BPTF: variants seen among roughly 807,000 people sequenced by gnomAD.
BPTF encodes bromodomain PHD finger transcription factor.
BPTF carries 18 observed loss-of-function variants against 292.5 expected under a neutral mutation model. The observed-to-expected ratio is 0.06, with a 90% confidence interval of 0.04 to 0.09. The LOEUF (loss-of-function observed/expected upper bound fraction) is 0.09. Among genes scored for constraint, BPTF ranks in the 10% least tolerant of loss-of-function variants. The probability of loss-of-function intolerance (pLI) is 1.00; values close to 1 mark genes in which losing one functional copy is unlikely to be tolerated. For synonymous variants in BPTF, 1,225 were observed against 1,251.9 expected (o/e 0.98, Z 0.45); for missense variants, 2,726 against 3,498.7 (o/e 0.78, Z 5.57).
rs978913855 is a variant in BPTF, at chr17:67,915,042, C to T, written c.5303+1855C>T. 9.9e-5 allele frequency among the ~76,000 whole-genome samples: 15 copies of T among 152,172 alleles called. No individual in the cohort carries two copies. The South Asian group carries it at 1.0e-3, about 11-fold the overall frequency. On this transcript the variant is annotated intron_variant, in intron 11 of 27. Transcript: ENST00000306378. The stretch of plus-strand genomic sequence containing the variant: ...GCATATTGCTATAAAAAGCCATGCA[C>T]GTGAAATGCATTTTTATACTAACAC...
rs1003138275 is a variant in BPTF at position 67,946,352 on chromosome 17, G to C, written c.7617+27G>C. 5 of 1,605,744 alleles carry C rather than the reference G, an allele frequency of 3.1e-6. No homozygotes were observed. In the East Asian group the frequency reaches 8.9e-5, roughly 29 times the overall value. The stretch of plus-strand genomic sequence containing the variant: ...TAAAGTTATTAAGTAAAAGCAGCAT[G>C]TTCAGTAGCTTGAATTATTGTGCTG... On this transcript the variant is annotated intron_variant, in intron 21 of 27. Transcript: ENST00000306378.
chr17:67,959,493 TTTACATGACTCTAATGATAG>T (rs782803583), intron 23 of BPTF, 28 bp from the exon 24 acceptor site: 1 of 1,420,186 alleles, frequency 7.0e-7, no homozygotes, highest in Non-Finnish European at 9.4e-7. Flanking sequence ...AGATCACACA[TTTACATGACTCTAATGATAG>T]TCTTGTATTG....
intron 4 of BPTF, among the ~76,000 whole-genome samples, chr17:67,888,589 CAAAAAAA>C (rs776548348): frequency 6.3e-4 from 40 of 63,552 alleles, no homozygotes; most frequent in African/African-American, 1.5e-3. Context: ...GACTCCGTCT[CAAAAAAA>C]AAAAAAAAAA....
intron 10 of BPTF, among the ~76,000 whole-genome samples, chr17:67,910,465 C>A (rs1444838815): frequency 1.3e-5 from 2 of 151,986 alleles, no homozygotes; most frequent in Non-Finnish European, 2.9e-5. Context: ...TAAAAAAAAA[C>A]TAGATAAGCT....
chr17:67,886,955 G>A (rs2060795047), intron 4 of BPTF, among the ~76,000 whole-genome samples: 1 of 152,040 alleles, frequency 6.6e-6, no homozygotes, highest in Non-Finnish European at 1.5e-5. Flanking sequence ...CATCCTTAAC[G>A]TATATCTTTG....
chr17:67,980,381 A>G (rs1430354078), intron 27 of BPTF, among the ~76,000 whole-genome samples: 2 of 152,212 alleles, frequency 1.3e-5, no homozygotes, highest in African/African-American at 4.8e-5. Flanking sequence ...CTGAAAAGTC[A>G]AAGGGATTGA....
At chr17:67,945,078 C>G (rs2065699045) in intron 20 of BPTF, among the ~76,000 whole-genome samples, 1 of 152,200 alleles carries the variant, frequency 6.6e-6, no homozygotes, top group South Asian at 2.1e-4. Flanking sequence ...CTCTGTCGCC[C>G]AGGCTGAAGC....
chr17:67,897,188 G>A (rs889629545), intron 7 of BPTF, among the ~76,000 whole-genome samples: 14 of 149,414 alleles, frequency 9.4e-5, no homozygotes, highest in African/African-American at 3.4e-4. Flanking sequence ...AACAAAAAAC[G>A]AAATTAACCA....
intron 7 of BPTF, among the ~76,000 whole-genome samples, chr17:67,898,366 G>GA (rs1256372028): frequency 2.6e-5 from 4 of 152,088 alleles, no homozygotes; most frequent in African/African-American, 9.7e-5. Context: ...GTCTTAAAAA[G>GA]AAAAAAGTTG....
chr17:67,840,000 C>G (rs1422427598), intron 1 of BPTF, among the ~76,000 whole-genome samples: 1 of 151,902 alleles, frequency 6.6e-6, no homozygotes, highest in Non-Finnish European at 1.5e-5. Context: ...ATATCCCCTT[C>G]TGGTTTTAAT....
intron 9 of BPTF, among the ~76,000 whole-genome samples, chr17:67,908,199 G>T (rs112125458): frequency 0.018 from 2,772 of 151,874 alleles, 93 homozygotes; most frequent in African/African-American, 0.063. Context: ...TGCTCTGTCA[G>T]CCAGGCTGGA....
intron 9 of BPTF, among the ~76,000 whole-genome samples, chr17:67,907,460 A>G (rs559574048): frequency 5.3e-4 from 80 of 151,764 alleles, no homozygotes; most frequent in African/African-American, 1.7e-3. Context: ...GGTTCAATCA[A>G]TTCTCTTGCC....
At chr17:67,851,109 C>G (rs2058369047) in intron 1 of BPTF, among the ~76,000 whole-genome samples, 1 of 152,170 alleles carries the variant, frequency 6.6e-6, no homozygotes, top group Non-Finnish European at 1.5e-5. Context: ...GAGTCGGCCA[C>G]TTATCTGTGC....
intron 27 of BPTF, 164 bp from the exon 28 acceptor site, chr17:67,982,088 T>C: frequency 1.5e-6 from 1 of 670,976 alleles, no homozygotes; most frequent in East Asian, 3.0e-5. Flanking sequence ...TTTAATATTA[T>C]AGGTTAAAAT....
At chr17:67,886,450 G>T in intron 4 of BPTF, 1 of 554,500 alleles carries the variant, frequency 1.8e-6, no homozygotes, top group Non-Finnish European at 3.0e-6. Flanking sequence ...AGTTTGGTGG[G>T]GGGTGGAATT....
intron 11 of BPTF, among the ~76,000 whole-genome samples, chr17:67,917,808 T>C (rs1170024839): frequency 1.3e-5 from 2 of 151,800 alleles, no homozygotes; most frequent in East Asian, 3.9e-4. Context: ...AAGTTTTGTA[T>C]TTTTTGTTTT....
intron 1 of BPTF, among the ~76,000 whole-genome samples, chr17:67,842,190 ATATC>A (rs565282734): frequency 1.4e-4 from 22 of 152,084 alleles, no homozygotes; most frequent in Non-Finnish European, 2.1e-4. Flanking sequence ...CTTTCAGTGT[ATATC>A]TATATGCATA....
chr17:67,858,633 G>A (rs559066301), intron 2 of BPTF, among the ~76,000 whole-genome samples: 1 of 152,066 alleles, frequency 6.6e-6, no homozygotes, highest in African/African-American at 2.4e-5. Flanking sequence ...GCCTGTCAGG[G>A]AGCCCGGTGC....
At chr17:67,875,679 A>G in intron 4 of BPTF, 1 of 1,607,514 alleles carries the variant, frequency 6.2e-7, no homozygotes, top group Non-Finnish European at 8.5e-7. Context: ...TGTCTCTCAG[A>G]AACCCCCGAT....
Sources: allele counts gnomAD v4.1 joint callset (sites outside exome capture counted in the v4.1 genomes callset), GRCh38; gene constraint gnomAD v4.1.1; transcripts MANE v1.5; gene names NCBI Gene and HGNC (gene_info 2026-07-23, HGNC 2026-07-21).